Variants in PSD3 observed in about 807,000 individuals in gnomAD.
The protein encoded by PSD3 is PH and SEC7 domain-containing protein 3.
A neutral mutation model predicts 105.5 loss-of-function variants in PSD3; 49 were observed. That is an observed-to-expected ratio of 0.46 (90% CI 0.37 to 0.59). PSD3 has a LOEUF of 0.59. PSD3 is among the 20% of genes least tolerant of loss of function. The probability of loss-of-function intolerance (pLI) is 0.00; values close to 1 mark genes in which losing one functional copy is unlikely to be tolerated. For missense variants in PSD3, 1,561 were observed against 1,263.8 expected (o/e 1.24, Z -3.57); for synonymous variants, 557 against 457.8 (o/e 1.22, Z -2.77).
chr8:18,672,281 GCA>G (rs1053632393), intron 9 of PSD3, among the ~76,000 whole-genome samples: 15 of 151,800 alleles, frequency 9.9e-5, no homozygotes, highest in Admixed American at 9.8e-4. Context: ...AAGTTAACGT[GCA>G]CAGTTTATTA....
chr8:18,735,712 A>C (rs1804099955), intron 9 of PSD3, among the ~76,000 whole-genome samples: 2 of 152,204 alleles, frequency 1.3e-5, no homozygotes, highest in Admixed American at 1.3e-4. Context: ...ATAAGCAGTT[A>C]GAATCAGTAC....
At chr8:18,616,850 C>T (rs962322808) in intron 11 of PSD3, among the ~76,000 whole-genome samples, 2 of 151,780 alleles carry the variant, frequency 1.3e-5, no homozygotes, top group Admixed American at 6.6e-5. Context: ...GTCTCGATCT[C>T]GTGACCTCGT....
At chr8:19,059,919 AG>A (rs1363831740) in intron 1 of PSD3, among the ~76,000 whole-genome samples, 1 of 152,196 alleles carries the variant, frequency 6.6e-6, no homozygotes, top group East Asian at 1.9e-4. Flanking sequence ...CTGTGCAGAG[AG>A]CTGCATCCCC....
chr8:18,661,774 G>A (rs907742157), intron 9 of PSD3, among the ~76,000 whole-genome samples: 3 of 152,194 alleles, frequency 2.0e-5, no homozygotes, highest in Non-Finnish European at 4.4e-5. Context: ...GACCACAAGA[G>A]AATTCACAGG....
Position 19,062,817 on chromosome 8 carries a change from A to T in PSD3, c.324+21389T>A, listed in dbSNP as rs554700836. Among the ~76,000 whole-genome samples, 6 of 152,348 alleles carry T rather than the reference A, an allele frequency of 3.9e-5. No individual in the cohort carries two copies. In the South Asian group the frequency reaches 1.2e-3, roughly 32 times the overall value. On this transcript the variant is annotated intron_variant, in intron 1 of 1. Transcript: ENST00000521475. ...CATTTCATGTAAGATGTTACTACAG[A>T]CATGTGATCACTCACGTATGAAATA... is the stretch of plus-strand genomic sequence containing the variant.
At chr8:18,839,319 T>C (rs1254372389) in intron 4 of PSD3, among the ~76,000 whole-genome samples, 2 of 152,164 alleles carry the variant, frequency 1.3e-5, no homozygotes, top group African/African-American at 4.8e-5. Context: ...CAGCTGAATG[T>C]TTCTATGTTT....
intron 11 of PSD3, among the ~76,000 whole-genome samples, chr8:18,605,092 G>A (rs73211796): frequency 0.04 from 6,128 of 152,278 alleles, 163 homozygotes; most frequent in East Asian, 0.11. Context: ...GGAGCTGTGA[G>A]AAAAGGGCCA....
In PSD3 at chr8:18,855,032, G is replaced by T. The variant is rs563773649; in HGVS notation, c.1634+12642C>A. The stretch of plus-strand genomic sequence containing the variant: ...GATCCACTGGAAGCCGTGGCCGCCA[G>T]ACCTAACCAATGGATGCCAGAGTGT... On this transcript the variant is annotated intron_variant, in intron 4 of 15. Coordinates refer to ENST00000327040, the MANE Select transcript of PSD3 (RefSeq NM_015310.4). 1.8e-4 allele frequency among the ~76,000 whole-genome samples: 28 copies of T among 152,324 alleles called. 1 individual carries two copies. The South Asian group carries it at 5.6e-3, about 30-fold the overall frequency.
intron 4 of PSD3, among the ~76,000 whole-genome samples, chr8:18,863,218 G>A (rs543004089): frequency 6.6e-6 from 1 of 152,262 alleles, no homozygotes; most frequent in East Asian, 1.9e-4. Flanking sequence ...CCAGCTAATG[G>A]TCACAGTGAC....
chr8:18,858,810 C>T (rs1291074072), intron 4 of PSD3, among the ~76,000 whole-genome samples: 1 of 152,190 alleles, frequency 6.6e-6, no homozygotes, highest in African/African-American at 2.4e-5. Context: ...CTGCTATTTC[C>T]ACCACATCTG....
intron 9 of PSD3, among the ~76,000 whole-genome samples, chr8:18,754,102 G>T (rs1423607291): frequency 6.6e-6 from 1 of 152,088 alleles, no homozygotes; most frequent in East Asian, 1.9e-4. Context: ...TTTCAATTTA[G>T]GCCAGGTGCG....
At position 18,701,878 on chromosome 8, in the gene PSD3, G is replaced by A. The variant is rs556749631; in HGVS notation, c.2173-46193C>T. Among the ~76,000 whole-genome samples, 286 of 152,056 alleles carry A rather than the reference G, an allele frequency of 1.9e-3. 1 individual carries two copies. The highest frequency in any genetic ancestry group is 6.4e-3 in the African/African-American group (267 of 41,500). On this transcript the variant is annotated intron_variant, in intron 9 of 15. Transcript: ENST00000327040. Reference sequence around the variant, plus strand: ...TATTTCATCTCAGGTTTTTTCAACCGACAAAAAAACATGAAAATATCACTG... The same window carrying A: ...TATTTCATCTCAGGTTTTTTCAACCAACAAAAAAACATGAAAATATCACTG...
chr8:18,860,705 A>G (rs1816374343), intron 4 of PSD3, among the ~76,000 whole-genome samples: 1 of 151,552 alleles, frequency 6.6e-6, no homozygotes. Flanking sequence ...AATGGATAAC[A>G]TCCAATGTTG....
intron 11 of PSD3, among the ~76,000 whole-genome samples, chr8:18,604,982 G>C (rs1804711596): frequency 6.6e-6 from 1 of 152,250 alleles, no homozygotes; most frequent in South Asian, 2.1e-4. Context: ...GCCTGCTGCA[G>C]TGGTGGAGCC....
Position 18,804,820 on chromosome 8 carries a change from T to C in PSD3, c.1713A>G (p.Pro571=). ...GSTEILEKET[P]ENLSNGTSSN... is the part of the protein sequence containing the mutation. The stretch of plus-strand genomic sequence containing the variant: ...TGCTGGTACCATTACTGAGATTTTC[T>C]GGGGTCTCCTTTTCCAAAATTTCAG... Residue 571 remains proline (P), a synonymous_variant, in exon 5 of 16, where the codon CCA becomes CCG. Coordinates refer to ENST00000327040, the MANE Select transcript of PSD3 (RefSeq NM_015310.4). 1.9e-6 allele frequency: 3 copies of C among 1,614,080 alleles called. No homozygotes were observed. The highest frequency in any genetic ancestry group is 1.1e-5 in the South Asian group (1 of 91,076).
chr8:18,752,313 T>C (rs1805557478), intron 9 of PSD3, among the ~76,000 whole-genome samples: 1 of 149,126 alleles, frequency 6.7e-6, no homozygotes, highest in Admixed American at 6.9e-5. Context: ...TTGTTGAGTA[T>C]CTGATCTGTT....
chr8:18,531,732 G>C lies in PSD3; in HGVS notation c.*4011C>G, dbSNP rs543171640. On this transcript the variant is annotated 3_prime_UTR_variant, in exon 16 of 16. Transcript: ENST00000327040. ...CAGATACTATTTAAACTCCAACTTG[G>C]ACAATTCCTCATAAACTAGACTTCA... 12 of 152,336 alleles carry C rather than the reference G, an allele frequency of 7.9e-5. No individual in the cohort carries two copies. The highest frequency in any genetic ancestry group is 1.5e-5 in the Non-Finnish European group (1 of 68,038). The allele number at this position is 152,336 out of a possible 1,614,324, so 9.4% of individuals were successfully genotyped here.
chr8:18,987,732 T>C (rs1010037260), intron 1 of PSD3, among the ~76,000 whole-genome samples: 7 of 151,784 alleles, frequency 4.6e-5, no homozygotes, highest in Non-Finnish European at 8.8e-5. Flanking sequence ...GGTGAGAGAA[T>C]CACCTGAGCC....
At chr8:19,073,122 C>A (rs1305350597) in intron 1 of PSD3, among the ~76,000 whole-genome samples, 6 of 139,238 alleles carry the variant, frequency 4.3e-5, no homozygotes, top group African/African-American at 1.6e-4. Context: ...CTTTTTCTTG[C>A]CTCTTAACAG....
Sources: allele counts gnomAD v4.1 joint callset (sites outside exome capture counted in the v4.1 genomes callset), GRCh38; gene constraint gnomAD v4.1.1; transcripts MANE v1.5; gene names NCBI Gene and HGNC (gene_info 2026-07-23, HGNC 2026-07-21).